The following RABGAP1L variants were observed in gnomAD, a reference collection of about 807,000 sequenced individuals.
RABGAP1L encodes RAB GTPase activating protein 1 like.
In RABGAP1L, 63 loss-of-function variants were observed where a neutral mutation model predicts 137.7. The ratio of observed to expected loss-of-function variants is 0.46; its 90% CI spans 0.37 to 0.56. The LOEUF (loss-of-function observed/expected upper bound fraction) is 0.56, where lower values mean the gene tolerates loss of function less well. RABGAP1L is among the 20% of genes least tolerant of loss of function. The pLI is 0.00. For missense variants in RABGAP1L, 1,095 were observed against 1,244.0 expected (o/e 0.88, Z 1.80); for synonymous variants, 431 against 433.7 (o/e 0.99, Z 0.08).
chr1:174,513,336 C>T (rs992184769), intron 13 of RABGAP1L, among the ~76,000 whole-genome samples: 15 of 152,046 alleles, frequency 9.9e-5, no homozygotes, highest in African/African-American at 3.4e-4. Flanking sequence ...CAGTAGCTCA[C>T]GCCTGTAATT....
At chr1:174,350,058 C>T (rs1373541388) in intron 11 of RABGAP1L, among the ~76,000 whole-genome samples, 1 of 134,472 alleles carries the variant, frequency 7.4e-6, no homozygotes, top group Non-Finnish European at 1.6e-5. Context: ...CCCCTCACCT[C>T]CCGGACGGGG....
At chr1:174,986,432 A>G (rs1671597368) in intron 24 of RABGAP1L, among the ~76,000 whole-genome samples, 1 of 152,194 alleles carries the variant, frequency 6.6e-6, no homozygotes, top group Non-Finnish European at 1.5e-5. Flanking sequence ...GAATTTAGGG[A>G]GTGTCACCTT....
intron 19 of RABGAP1L, among the ~76,000 whole-genome samples, chr1:174,901,873 G>C (rs1193582004): frequency 6.6e-6 from 1 of 152,058 alleles, no homozygotes; most frequent in Non-Finnish European, 1.5e-5. Flanking sequence ...GGTCTTTTTT[G>C]TTGATATTGT....
intron 20 of RABGAP1L, 174 bp downstream of exon 20, chr1:174,957,723 C>CTTTTTTT (rs34143059): frequency 1.0e-4 from 53 of 505,842 alleles, no homozygotes; most frequent in African/African-American, 5.1e-4. Flanking sequence ...AGCAAAGTAC[C>CTTTTTTT]TTTTTTTTTT....
At chr1:174,800,852 T>C (rs1688700635) in intron 18 of RABGAP1L, among the ~76,000 whole-genome samples, 2 of 152,186 alleles carry the variant, frequency 1.3e-5, no homozygotes, top group South Asian at 4.1e-4. Flanking sequence ...CTCCAAAGGG[T>C]TAAATTTTAC....
intron 13 of RABGAP1L, among the ~76,000 whole-genome samples, chr1:174,454,792 T>A (rs964727452): frequency 9.9e-5 from 15 of 152,016 alleles, no homozygotes; most frequent in Admixed American, 9.2e-4. Context: ...CTCCTCGTGT[T>A]CTACCCGCCT....
intron 11 of RABGAP1L, among the ~76,000 whole-genome samples, chr1:174,308,886 A>AT (rs1010373573): frequency 1.3e-4 from 19 of 150,998 alleles, no homozygotes; most frequent in South Asian, 6.3e-4. Flanking sequence ...GAATCTTAGG[A>AT]TTTTTTTTTC....
intron 18 of RABGAP1L, among the ~76,000 whole-genome samples, chr1:174,774,716 C>CA (rs1285831045): frequency 6.6e-6 from 1 of 151,816 alleles, no homozygotes; most frequent in Non-Finnish European, 1.5e-5. Context: ...CTCATCTCTC[C>CA]AAAAAATACA....
intron 10 of RABGAP1L, among the ~76,000 whole-genome samples, chr1:174,279,168 T>G (rs533697490): frequency 6.0e-4 from 92 of 152,328 alleles, no homozygotes; most frequent in South Asian, 1.9e-3. Flanking sequence ...ATTTCTATAG[T>G]TATTTCTGCC....
At chr1:174,251,289 T>G (rs1226972066) in intron 6 of RABGAP1L, among the ~76,000 whole-genome samples, 2 of 152,070 alleles carry the variant, frequency 1.3e-5, no homozygotes, top group East Asian at 3.8e-4. Flanking sequence ...TTTCTTTATG[T>G]TAAGTGTTCT....
chr1:174,509,735 C>G (rs1437204196), intron 13 of RABGAP1L, among the ~76,000 whole-genome samples: 2 of 152,176 alleles, frequency 1.3e-5, no homozygotes, highest in African/African-American at 2.4e-5. Flanking sequence ...GTAATGACAT[C>G]TTAAACTAAA....
In RABGAP1L at chr1:174,761,893, A is replaced by G. The variant is rs1482407995; in HGVS notation, c.2211+9539A>G. Among the ~76,000 whole-genome samples the G allele has an allele frequency of 6.6e-6, 1 of 152,172 alleles. No individual in the cohort carries two copies. The highest frequency in any genetic ancestry group is 1.5e-5 in the Non-Finnish European group (1 of 68,038). ...TCAACAATAAACATAATAAATATAT[A>G]AATATAGTATATTAGAAGTTATAGT... On this transcript the variant is annotated intron_variant, in intron 18 of 25. Coordinates refer to ENST00000681986, the MANE Select transcript of RABGAP1L (RefSeq NM_001366446.1). This position sits in a 1 kb window ranked among gnomAD's most constrained non-coding sequence, Gnocchi z 4.0.
At chr1:174,546,738 A>G (rs564351981) in intron 13 of RABGAP1L, among the ~76,000 whole-genome samples, 2 of 152,346 alleles carry the variant, frequency 1.3e-5, no homozygotes, top group Admixed American at 1.3e-4. Context: ...TTGCATTAAG[A>G]TAAAGCAGTT....
At chr1:174,873,625 T>C (rs1652571359) in intron 19 of RABGAP1L, among the ~76,000 whole-genome samples, 1 of 151,516 alleles carries the variant, frequency 6.6e-6, no homozygotes, top group South Asian at 2.1e-4. Context: ...GTGATTCTGC[T>C]TCAGCCTCCT....
chr1:174,646,160 G>T (rs1674952294), intron 14 of RABGAP1L, among the ~76,000 whole-genome samples: 1 of 152,074 alleles, frequency 6.6e-6, no homozygotes, highest in African/African-American at 2.4e-5. Context: ...CATTCTGTAG[G>T]TTACCTGTTC....
At chr1:174,487,700 T>C (rs1345850387) in intron 13 of RABGAP1L, among the ~76,000 whole-genome samples, 1 of 152,170 alleles carries the variant, frequency 6.6e-6, no homozygotes, top group African/African-American at 2.4e-5. Flanking sequence ...TATCCCTCTT[T>C]CCTTCCTTCC....
At chr1:174,259,262 A>G (rs1157289063) in intron 7 of RABGAP1L, among the ~76,000 whole-genome samples, 1 of 152,160 alleles carries the variant, frequency 6.6e-6, no homozygotes, top group African/African-American at 2.4e-5. Context: ...CCCAGCATCT[A>G]CTATAGTGCT....
intron 11 of RABGAP1L, among the ~76,000 whole-genome samples, chr1:174,363,975 A>G (rs1003568806): frequency 6.6e-6 from 1 of 151,734 alleles, no homozygotes; most frequent in Non-Finnish European, 1.5e-5. Flanking sequence ...ATTTTGGATC[A>G]GTGTACATCA....
At chr1:174,278,562 T>C (rs771467393) in intron 9 of RABGAP1L, 51 bp from the exon 10 acceptor site, 3 of 1,442,922 alleles carry the variant, frequency 2.1e-6, no homozygotes, top group East Asian at 2.3e-5. Flanking sequence ...TTGTTTAAAG[T>C]AGACAAGGAA....
Sources: allele counts gnomAD v4.1 joint callset (sites outside exome capture counted in the v4.1 genomes callset), GRCh38; gene constraint gnomAD v4.1.1; non-coding constraint Gnocchi (gnomAD v3.1); transcripts MANE v1.5; gene names NCBI Gene and HGNC (gene_info 2026-07-23, HGNC 2026-07-21).